Variants in TOM1L2 observed in about 807,000 individuals in gnomAD.
TOM1L2 encodes the protein TOM1-like protein 2.
A neutral mutation model predicts 67.9 loss-of-function variants in TOM1L2; 31 were observed. That is an observed-to-expected ratio of 0.46 (90% CI 0.34 to 0.62). The LOEUF (loss-of-function observed/expected upper bound fraction) is 0.62. Ranked by LOEUF, TOM1L2 falls within the 20% of genes least tolerant of loss-of-function variation. The pLI, the probability that TOM1L2 is intolerant of heterozygous loss-of-function variation, is 0.01. For missense variants in TOM1L2, 606 were observed against 663.5 expected (o/e 0.91, Z 0.95); for synonymous variants, 256 against 254.0 (o/e 1.01, Z -0.07).
intron 1 of TOM1L2, among the ~76,000 whole-genome samples, chr17:17,917,959 A>C (rs926009087): frequency 2.0e-5 from 3 of 152,308 alleles, no homozygotes; most frequent in Admixed American, 1.3e-4. Flanking sequence ...CCTTAAAAAA[A>C]AACTGTCTTC....
intron 10 of TOM1L2, among the ~76,000 whole-genome samples, chr17:17,865,923 G>A (rs1039700424): frequency 1.3e-5 from 2 of 150,604 alleles, no homozygotes; most frequent in African/African-American, 4.9e-5. Flanking sequence ...TGTATTTTTA[G>A]TAGAGACTGG....
At chr17:17,954,497 G>A (rs778232045) in intron 1 of TOM1L2, among the ~76,000 whole-genome samples, 1 of 152,130 alleles carries the variant, frequency 6.6e-6, no homozygotes, top group Non-Finnish European at 1.5e-5. Flanking sequence ...ATTTTTAGTA[G>A]AGACGGGGTT....
chr17:17,902,668 G>A (rs923850772), intron 2 of TOM1L2, among the ~76,000 whole-genome samples: 1 of 152,256 alleles, frequency 6.6e-6, no homozygotes, highest in Non-Finnish European at 1.5e-5. Flanking sequence ...AGCAGACAGG[G>A]TAAGGGCAGT....
intron 12 of TOM1L2, among the ~76,000 whole-genome samples, chr17:17,860,949 G>C (rs745534671): frequency 6.6e-6 from 1 of 152,184 alleles, no homozygotes; most frequent in South Asian, 2.1e-4. Flanking sequence ...CCTGGCTCTC[G>C]AGTGCCTTCT....
chr17:17,897,011 T>C (rs948981452), intron 3 of TOM1L2, among the ~76,000 whole-genome samples: 2 of 152,060 alleles, frequency 1.3e-5, no homozygotes, highest in Non-Finnish European at 2.9e-5. Context: ...GCTGGGTTTG[T>C]AGTGAAGACC....
At chr17:17,954,256 G>A (rs193104589) in intron 1 of TOM1L2, among the ~76,000 whole-genome samples, 44 of 152,224 alleles carry the variant, frequency 2.9e-4, no homozygotes, top group Admixed American at 6.5e-4. Context: ...GAGAAAAGAC[G>A]GGAAGAAGCC....
At chr17:17,911,379 T>C (rs1173954442) in intron 1 of TOM1L2, among the ~76,000 whole-genome samples, 6 of 152,198 alleles carry the variant, frequency 3.9e-5, no homozygotes, top group African/African-American at 1.4e-4. Context: ...CATTAGCATA[T>C]CACCAGAGAG....
At chr17:17,911,454 C>T (rs1373719645) in intron 1 of TOM1L2, among the ~76,000 whole-genome samples, 2 of 152,142 alleles carry the variant, frequency 1.3e-5, no homozygotes, top group African/African-American at 4.8e-5. Flanking sequence ...CCACTGTTCC[C>T]TAGAACACTT....
At chr17:17,969,451 T>C (rs2041987922) in intron 1 of TOM1L2, among the ~76,000 whole-genome samples, 2 of 152,072 alleles carry the variant, frequency 1.3e-5, no homozygotes, top group African/African-American at 2.4e-5. Flanking sequence ...CACATTCTTT[T>C]AAAAGAATAC....
chr17:17,908,599 C>G (rs924067589), intron 1 of TOM1L2, among the ~76,000 whole-genome samples: 1 of 152,008 alleles, frequency 6.6e-6, no homozygotes, highest in Non-Finnish European at 1.5e-5. Flanking sequence ...CAAAAAAACC[C>G]AAACTATCCA....
chr17:17,912,014 C>T (rs2039380510), intron 1 of TOM1L2, among the ~76,000 whole-genome samples: 1 of 151,024 alleles, frequency 6.6e-6, no homozygotes, highest in African/African-American at 2.4e-5. Flanking sequence ...AAGAATTTTT[C>T]TTAGTACAGA....
At chr17:17,922,305 G>A (rs987184815) in intron 1 of TOM1L2, among the ~76,000 whole-genome samples, 5 of 152,176 alleles carry the variant, frequency 3.3e-5, no homozygotes, top group Admixed American at 6.5e-5. Flanking sequence ...CCAGGGCCTC[G>A]GTGAAGGGGA....
At chr17:17,935,370 T>C (rs995023301) in intron 1 of TOM1L2, among the ~76,000 whole-genome samples, 3 of 152,354 alleles carry the variant, frequency 2.0e-5, no homozygotes, top group Middle Eastern at 3.4e-3. Flanking sequence ...GAAACAAAGA[T>C]GCCCCCAGTT....
At chr17:17,947,528 G>A (rs2041004845) in intron 1 of TOM1L2, among the ~76,000 whole-genome samples, 1 of 152,174 alleles carries the variant, frequency 6.6e-6, no homozygotes, top group Non-Finnish European at 1.5e-5. Context: ...CAGCAAGACA[G>A]TAGCTGTTGG....
chr17:17,965,696 C>T (rs1323406194), intron 1 of TOM1L2, among the ~76,000 whole-genome samples: 1 of 152,188 alleles, frequency 6.6e-6, no homozygotes, highest in Middle Eastern at 3.2e-3. Flanking sequence ...TTAATGTCCC[C>T]ATCTGAAAAT....
chr17:17,947,505 C>G (rs1353842357), intron 1 of TOM1L2, among the ~76,000 whole-genome samples: 2 of 152,122 alleles, frequency 1.3e-5, no homozygotes, highest in Admixed American at 6.6e-5. Context: ...AGAGGAATGA[C>G]CATGTGAGGA....
intron 1 of TOM1L2, among the ~76,000 whole-genome samples, chr17:17,946,927 G>A (rs1054564942): frequency 3.3e-5 from 5 of 152,132 alleles, no homozygotes; most frequent in African/African-American, 9.7e-5. Context: ...GTTTTACCAC[G>A]TTGGCCAGGC....
At chr17:17,942,861 C>T (rs2040792620) in intron 1 of TOM1L2, among the ~76,000 whole-genome samples, 1 of 152,176 alleles carries the variant, frequency 6.6e-6, no homozygotes, top group Non-Finnish European at 1.5e-5. Context: ...CATCACCATT[C>T]CATTTTACAG....
At chr17:17,923,898 G>A (rs1428685000) in intron 1 of TOM1L2, among the ~76,000 whole-genome samples, 2 of 152,098 alleles carry the variant, frequency 1.3e-5, no homozygotes, top group Non-Finnish European at 2.9e-5. Context: ...AGCACTTTGG[G>A]AGGTCGAGGT....
Sources: gnomAD v4.1 joint callset for allele counts (sites outside exome capture counted in the v4.1 genomes callset) on GRCh38, gnomAD v4.1.1 for gene constraint, MANE v1.5 for transcripts, NCBI Gene and HGNC (gene_info 2026-07-23, HGNC 2026-07-21) for gene names.